Variants in PPFIBP1 observed in about 807,000 individuals in gnomAD.
The protein encoded by PPFIBP1 is liprin-beta-1.
In PPFIBP1, 112 loss-of-function variants were observed where a neutral mutation model predicts 137.8. That is an observed-to-expected ratio of 0.81 (90% CI 0.70 to 0.95). PPFIBP1 has a LOEUF of 0.95. Ranked by LOEUF, PPFIBP1 falls within the 40% of genes least tolerant of loss-of-function variation. The pLI is 0.00. For missense variants in PPFIBP1, 1,083 were observed against 1,196.6 expected (o/e 0.91, Z 1.40); for synonymous variants, 378 against 417.3 (o/e 0.91, Z 1.15).
At chr12:27,661,091 G>T (rs2059517271) in intron 11 of PPFIBP1, 146 bp downstream of exon 11, 3 of 1,250,564 alleles carry the variant, frequency 2.4e-6, no homozygotes, top group Non-Finnish European at 3.2e-6. Context: ...ACTCCCAGGT[G>T]GGCTGTATGC....
chr12:27,618,749 G>T (rs1304468635), intron 2 of PPFIBP1, among the ~76,000 whole-genome samples: 5 of 152,212 alleles, frequency 3.3e-5, no homozygotes, highest in Non-Finnish European at 7.3e-5. Context: ...TCTCCTGAGG[G>T]CTGTGTCACA....
At chr12:27,652,889 G>A (rs1045263983) in intron 7 of PPFIBP1, among the ~76,000 whole-genome samples, 1 of 152,158 alleles carries the variant, frequency 6.6e-6, no homozygotes, top group East Asian at 1.9e-4. Flanking sequence ...CTTTAGACTT[G>A]AATTCTGACC....
At chr12:27,674,297 A>G in intron 17 of PPFIBP1, 76 bp downstream of exon 17, 2 of 1,132,784 alleles carry the variant, frequency 1.8e-6, no homozygotes, top group Admixed American at 2.5e-5. Flanking sequence ...TGTCTCCAGT[A>G]GATAAAAACT....
chr12:27,643,585 A>G (rs2058264061), intron 4 of PPFIBP1, among the ~76,000 whole-genome samples: 1 of 112,968 alleles, frequency 8.9e-6, no homozygotes, highest in African/African-American at 3.9e-5. Context: ...TGCAGAAGGA[A>G]TAAAAGTAGT....
At chr12:27,586,700 A>AG (rs1055919365) in intron 2 of PPFIBP1, among the ~76,000 whole-genome samples, 6 of 80,758 alleles carry the variant, frequency 7.4e-5, no homozygotes, top group Non-Finnish European at 1.5e-4. Flanking sequence ...CTGTCTCAAG[A>AG]AAAAAAAAAG....
At chr12:27,526,767 G>A (rs1364376428) in intron 1 of PPFIBP1, among the ~76,000 whole-genome samples, 5 of 152,114 alleles carry the variant, frequency 3.3e-5, no homozygotes, top group African/African-American at 4.8e-5. Flanking sequence ...CCCAGGAGGC[G>A]GAGGTTGCAG....
chr12:27,687,957 C>T (rs146073379), intron 25 of PPFIBP1, among the ~76,000 whole-genome samples: 33 of 152,134 alleles, frequency 2.2e-4, no homozygotes, highest in Non-Finnish European at 3.7e-4. Flanking sequence ...GGTGGGTGCA[C>T]GCTGGTGGTC....
At chr12:27,608,384 T>C (rs1252461033) in intron 2 of PPFIBP1, among the ~76,000 whole-genome samples, 1 of 152,202 alleles carries the variant, frequency 6.6e-6, no homozygotes, top group African/African-American at 2.4e-5. Context: ...AATGCAGGAC[T>C]GTGACTCCAT....
In PPFIBP1 at chr12:27,695,174, T is replaced by C. The variant is rs1427211651; in HGVS notation, c.*2292T>C. 6.6e-6 allele frequency: 1 copy of C among 151,374 alleles called. No homozygotes were observed. The highest frequency in any genetic ancestry group is 1.5e-5 in the Non-Finnish European group (1 of 67,950). 9.4% of individuals were successfully genotyped at this position (151,374 alleles called of 1,614,324 possible). On this transcript the variant is annotated 3_prime_UTR_variant, in exon 30 of 30. Transcript: ENST00000228425. ...CTCTGTTGCCCAGGCTGGAGTGCAG[T>C]GGCACAATCTCAGCTCACTGCAAGC...
chr12:27,682,785 T>C, intron 24 of PPFIBP1, 82 bp downstream of exon 24: 1 of 1,593,818 alleles, frequency 6.3e-7, no homozygotes, highest in Non-Finnish European at 8.5e-7. Context: ...CCAAACACAG[T>C]GTTTTCAGTG....
At chr12:27,540,924 C>CT (rs1162936832) in intron 1 of PPFIBP1, among the ~76,000 whole-genome samples, 1 of 152,192 alleles carries the variant, frequency 6.6e-6, no homozygotes, top group Non-Finnish European at 1.5e-5. Context: ...TATGAATCCT[C>CT]TATCATAGTT....
At chr12:27,638,929 T>C (rs937982021) in intron 4 of PPFIBP1, among the ~76,000 whole-genome samples, 6 of 152,158 alleles carry the variant, frequency 3.9e-5, no homozygotes, top group Admixed American at 2.0e-4. Context: ...TTAAGATGGA[T>C]ACTAACCTTT....
In PPFIBP1 at chr12:27,693,987, T is replaced by A. The variant is rs887697295; in HGVS notation, c.*1105T>A. 6.6e-6 allele frequency: 1 copy of A among 152,100 alleles called. No homozygotes were observed. Among genetic ancestry groups the A allele is most frequent in the African/African-American group, 2.4e-5 (1 of 41,398 alleles). The allele number at this position is 152,100 out of a possible 1,614,324, so 9.4% of individuals were successfully genotyped here. A position where few individuals can be genotyped will look rare whatever the true frequency, so the allele number is the denominator to read the frequency against. On this transcript the variant is annotated 3_prime_UTR_variant, in exon 30 of 30. Coordinates refer to ENST00000228425, the MANE Select transcript of PPFIBP1 (RefSeq NM_003622.4). ...CACCACGCCCAGCCTGTTATTTTTT[T>A]ATTATTATTGTTTTTTTTTAGTGAC...
At chr12:27,659,726 G>T (rs926645040) in intron 10 of PPFIBP1, among the ~76,000 whole-genome samples, 2 of 151,772 alleles carry the variant, frequency 1.3e-5, no homozygotes, top group South Asian at 4.1e-4. Context: ...AATTCCTATA[G>T]AATATATCTT....
At chr12:27,594,244 C>T (rs1434764862) in intron 2 of PPFIBP1, among the ~76,000 whole-genome samples, 1 of 123,348 alleles carries the variant, frequency 8.1e-6, no homozygotes, top group Non-Finnish European at 1.6e-5. Context: ...GTGGTGTGAT[C>T]TCGGCTCACT....
chr12:27,691,275 T>C (rs1240928350), intron 27 of PPFIBP1, among the ~76,000 whole-genome samples: 3 of 151,916 alleles, frequency 2.0e-5, no homozygotes, highest in Non-Finnish European at 4.4e-5. Flanking sequence ...CATTAAGTCC[T>C]GTCTAATCAA....
At chr12:27,692,759 G>A (rs1468097061) in intron 29 of PPFIBP1, 37 bp from the exon 30 acceptor site, 3 of 1,613,984 alleles carry the variant, frequency 1.9e-6, no homozygotes, top group Non-Finnish European at 1.7e-6. Flanking sequence ...CTGAGCTCTT[G>A]GCTCTCAGTG....
chr12:27,676,581 G>A lies in PPFIBP1; in HGVS notation c.1564G>A (p.Ala522Thr). The A allele has an allele frequency of 6.3e-7, 1 of 1,588,726 alleles. No individual in the cohort carries two copies. The highest frequency in any genetic ancestry group is 8.6e-7 in the Non-Finnish European group (1 of 1,167,098). ...FFKIKSNKRT[A>T]SAPNLDRKRS... ...TAAAATCAAAAGTAACAAGAGAACAGCAAGTGCACCAAACTTAGGTACGTA... is the reference window on the plus strand; with the variant it reads ...TAAAATCAAAAGTAACAAGAGAACAACAAGTGCACCAAACTTAGGTACGTA... Residue 522 changes from alanine to threonine, a missense_variant, in exon 18 of 30, where the codon GCA becomes ACA. Transcript: ENST00000228425.
intron 15 of PPFIBP1, 24 bp from the exon 16 acceptor site, chr12:27,673,739 TATTA>T (rs2060340059): frequency 1.3e-6 from 2 of 1,597,016 alleles, no homozygotes; most frequent in Non-Finnish European, 1.7e-6. Flanking sequence ...AGCCACTTAT[TATTA>T]ATTGTTATTA....
Sources: gnomAD v4.1 joint callset for allele counts (sites outside exome capture counted in the v4.1 genomes callset) on GRCh38, gnomAD v4.1.1 for gene constraint, MANE v1.5 for transcripts, NCBI Gene and HGNC (gene_info 2026-07-23, HGNC 2026-07-21) for gene names.